NELL1: variants seen among roughly 807,000 people sequenced by gnomAD.
The protein encoded by NELL1 is neural EGFL like 1, also known as protein kinase C-binding protein NELL1.
Under a neutral mutation model 107.4 loss-of-function variants are expected in NELL1, and 76 were observed. That is an observed-to-expected ratio of 0.71 (90% CI 0.59 to 0.86). The LOEUF is 0.86. Among genes scored for constraint, NELL1 ranks in the 40% least tolerant of loss-of-function variants. The pLI, the probability that NELL1 is intolerant of heterozygous loss-of-function variation, is 0.00. For synonymous variants in NELL1, 353 were observed against 341.2 expected (o/e 1.03, Z -0.38); for missense variants, 1,024 against 1,005.5 (o/e 1.02, Z -0.25).
chr11:21,492,781 A>T (rs1854862295), intron 15 of NELL1, among the ~76,000 whole-genome samples: 1 of 150,688 alleles, frequency 6.6e-6, no homozygotes, highest in South Asian at 2.1e-4. Context: ...GCATTAGGAG[A>T]TATACCTAAT....
At chr11:20,937,527 G>T (rs746207720) in intron 9 of NELL1, among the ~76,000 whole-genome samples, 1 of 152,214 alleles carries the variant, frequency 6.6e-6, no homozygotes, top group African/African-American at 2.4e-5. Context: ...TCATTCTCTA[G>T]TTCCTTTGGC....
At chr11:20,801,599 G>A (rs1251404405) in intron 3 of NELL1, among the ~76,000 whole-genome samples, 7 of 151,992 alleles carry the variant, frequency 4.6e-5, no homozygotes, top group South Asian at 4.1e-4. Flanking sequence ...CCATTTATCC[G>A]TTTTTACTTT....
At chr11:20,745,828 T>A (rs941920307) in intron 2 of NELL1, among the ~76,000 whole-genome samples, 2 of 152,166 alleles carry the variant, frequency 1.3e-5, no homozygotes, top group Non-Finnish European at 2.9e-5. Flanking sequence ...AGCAGGGAAA[T>A]GACTTGTCCA....
chr11:20,945,428 A>C (rs538436584), intron 10 of NELL1, among the ~76,000 whole-genome samples: 3 of 152,364 alleles, frequency 2.0e-5, no homozygotes, highest in African/African-American at 7.2e-5. Flanking sequence ...CTGCATGGGC[A>C]AAATGGCTCC....
chr11:20,758,544 T>G (rs1255961238), intron 2 of NELL1, among the ~76,000 whole-genome samples: 1 of 152,172 alleles, frequency 6.6e-6, no homozygotes, highest in African/African-American at 2.4e-5. Context: ...AGTGAGTGCC[T>G]GTCCCTGAAA....
chr11:21,133,191 A>G (rs1161944519), intron 13 of NELL1, among the ~76,000 whole-genome samples: 2 of 152,170 alleles, frequency 1.3e-5, no homozygotes, highest in Admixed American at 6.5e-5. Flanking sequence ...ACCCAAAGTG[A>G]GTAGCTCCTT....
At chr11:21,105,854 T>TC (rs1297483120) in intron 12 of NELL1, among the ~76,000 whole-genome samples, 28,503 of 30,538 alleles carry the variant, frequency 0.93, 13,244 homozygotes, top group Middle Eastern at 0.97. Context: ...CCCTTCCCTC[T>TC]CTCCCCTCCC....
At chr11:21,281,004 C>T (rs1290777418) in intron 14 of NELL1, among the ~76,000 whole-genome samples, 1 of 151,678 alleles carries the variant, frequency 6.6e-6, no homozygotes, top group Non-Finnish European at 1.5e-5. Context: ...TGCACCGTCC[C>T]TCCTCCAACC....
At chr11:21,293,623 C>T (rs900386723) in intron 14 of NELL1, among the ~76,000 whole-genome samples, 4 of 152,166 alleles carry the variant, frequency 2.6e-5, no homozygotes, top group African/African-American at 9.7e-5. Flanking sequence ...TATAAAGACA[C>T]ATGCACATGT....
chr11:21,542,329 G>T (rs1356523606), intron 16 of NELL1, among the ~76,000 whole-genome samples: 1 of 152,042 alleles, frequency 6.6e-6, no homozygotes, highest in Non-Finnish European at 1.5e-5. Flanking sequence ...ACACTGCACT[G>T]CTTTCTGGAA....
At chr11:21,552,686 T>C (rs142801057) in intron 16 of NELL1, among the ~76,000 whole-genome samples, 2,050 of 151,856 alleles carry the variant, frequency 0.013, 19 homozygotes, top group Middle Eastern at 0.048. Flanking sequence ...AGTTGTTTGT[T>C]TAGCATTTTA....
intron 16 of NELL1, among the ~76,000 whole-genome samples, chr11:21,555,234 G>T (rs1348828283): frequency 6.6e-6 from 1 of 151,962 alleles, no homozygotes; most frequent in East Asian, 2.0e-4. Context: ...ATAGGATGAA[G>T]AGGGCAATAT....
intron 16 of NELL1, among the ~76,000 whole-genome samples, chr11:21,538,344 A>T (rs886778858): frequency 1.3e-5 from 2 of 152,184 alleles, no homozygotes; most frequent in African/African-American, 4.8e-5. Context: ...GCATGCTTGC[A>T]AGATTTCTTA....
Position 20,889,363 on chromosome 11 carries a change from T to G in NELL1, c.603+3823T>G, listed in dbSNP as rs751809859. Among the ~76,000 whole-genome samples the G allele has an allele frequency of 3.9e-5, 6 of 152,340 alleles. No individual in the cohort carries two copies. In the Middle Eastern group the frequency reaches 0.01, roughly 259 times the overall value. On this transcript the variant is annotated intron_variant, in intron 5 of 19. Coordinates refer to ENST00000357134, the MANE Select transcript of NELL1 (RefSeq NM_006157.5). Reference sequence around the variant, plus strand: ...TTTCCAAGTTTTGAGAGAAAATAACTTTCAAATGTAGTAGTATATACCAAG... The same window carrying G: ...TTTCCAAGTTTTGAGAGAAAATAACGTTCAAATGTAGTAGTATATACCAAG...
chr11:21,437,976 T>C (rs1308158657), intron 15 of NELL1, among the ~76,000 whole-genome samples: 2 of 152,232 alleles, frequency 1.3e-5, no homozygotes, highest in Non-Finnish European at 2.9e-5. Context: ...TTTGTTGCTT[T>C]ATCTCTTAAT....
At chr11:20,769,512 C>T (rs574808356) in intron 2 of NELL1, 2 of 152,368 alleles carry the variant, frequency 1.3e-5, no homozygotes, top group East Asian at 3.9e-4. Flanking sequence ...AGATATTTCT[C>T]TCCAGACTGA....
At chr11:21,362,285 A>C (rs1332291916) in intron 14 of NELL1, among the ~76,000 whole-genome samples, 1 of 152,168 alleles carries the variant, frequency 6.6e-6, no homozygotes, top group African/African-American at 2.4e-5. Context: ...GCCACCCAGC[A>C]GAGCTACCAT....
At chr11:21,484,531 C>T (rs545587143) in intron 15 of NELL1, among the ~76,000 whole-genome samples, 2 of 151,894 alleles carry the variant, frequency 1.3e-5, no homozygotes, top group Non-Finnish European at 2.9e-5. Flanking sequence ...AATGCACACT[C>T]ATAAGAATAT....
intron 15 of NELL1, among the ~76,000 whole-genome samples, chr11:21,513,930 C>CTGCCTGGGATTCCAGGCATTG (rs1445495501): frequency 1.3e-5 from 2 of 152,190 alleles, no homozygotes; most frequent in Non-Finnish European, 2.9e-5. Flanking sequence ...ACACCCACCC[C>CTGCCTGGGATTCCAGGCATTG]TGCCTGGGAT....
Sources: allele counts gnomAD v4.1 joint callset (sites outside exome capture counted in the v4.1 genomes callset), GRCh38; gene constraint gnomAD v4.1.1; transcripts MANE v1.5; gene names NCBI Gene and HGNC (gene_info 2026-07-23, HGNC 2026-07-21).